Variants in TRHDE observed in about 807,000 individuals in gnomAD.
The protein encoded by TRHDE is thyrotropin releasing hormone degrading enzyme.
A neutral mutation model predicts 125.7 loss-of-function variants in TRHDE; 72 were observed. The ratio of observed to expected loss-of-function variants is 0.57; its 90% CI spans 0.47 to 0.70. The LOEUF (loss-of-function observed/expected upper bound fraction) is 0.70. Ranked by LOEUF, TRHDE falls within the 30% of genes least tolerant of loss-of-function variation. TRHDE has a pLI of 0.00. For missense variants in TRHDE, 1,110 were observed against 1,327.1 expected, an observed-to-expected ratio of 0.84 and a Z score of 2.54; for synonymous variants, 509 against 509.1, an observed-to-expected ratio of 1.00 and a Z score of 0.00.
rs764803993 is a variant in TRHDE at position 72,562,817 on chromosome 12, T to C, written c.1855-36T>C. 2.2e-6 allele frequency: 3 copies of C among 1,355,106 alleles called. No homozygotes were observed. In the South Asian group the frequency reaches 4.3e-5, roughly 19 times the overall value. 83.9% of individuals were successfully genotyped at this position (1,355,106 alleles called of 1,614,324 possible). ...ATGTTAATAATGTTGATAATTCATG[T>C]TTATAAAACTAATTTGTACATTTTT... On this transcript the variant is annotated intron_variant, in intron 8 of 18. Coordinates refer to ENST00000261180, the MANE Select transcript of TRHDE (RefSeq NM_013381.3).
chr12:72,562,214 G>A lies in TRHDE; in HGVS notation c.1838G>A (p.Trp613Ter). The A allele has an allele frequency of 6.4e-7, 1 of 1,551,738 alleles. No individual in the cohort carries two copies. The highest frequency in any genetic ancestry group is 8.8e-7 in the Non-Finnish European group (1 of 1,130,138). ...KYGNAARNDL[W>*]NTLSEALKRN... ...GGTAATGCAGCCAGAAATGATCTCT[G>A]GAATACATTATCGGAGGTAAAGTAT... The change falls in exon 8 of 19, where the codon TGG becomes TAG. Residue 613 changes from tryptophan to a stop codon, truncating the protein, a stop_gained. Coordinates refer to ENST00000261180, the MANE Select transcript of TRHDE (RefSeq NM_013381.3). LOFTEE classifies it high-confidence loss of function.
Position 72,366,624 on chromosome 12 carries a change from G to T in TRHDE, c.1189-11371G>T, listed in dbSNP as rs1026996407. ...TGGTTAAGAAACTTAAAGTCTTGTA[G>T]AAAGATAAGCCAAACACACTTTAAG... On this transcript the variant is annotated intron_variant, in intron 2 of 18. Coordinates refer to ENST00000261180, the MANE Select transcript of TRHDE (RefSeq NM_013381.3). 3.3e-5 allele frequency among the ~76,000 whole-genome samples: 5 copies of T among 152,084 alleles called. No individual in the cohort carries two copies. In the South Asian group the frequency reaches 1.0e-3, roughly 32 times the overall value.
At chr12:72,606,234 G>A (rs1014875888) in intron 12 of TRHDE, among the ~76,000 whole-genome samples, 2 of 152,178 alleles carry the variant, frequency 1.3e-5, no homozygotes, top group East Asian at 1.9e-4. Flanking sequence ...TGTTTGACTG[G>A]TTTCGGATTT....
intron 2 of TRHDE, among the ~76,000 whole-genome samples, chr12:72,151,180 G>T (rs1205076812): frequency 6.6e-6 from 1 of 152,138 alleles, no homozygotes; most frequent in Non-Finnish European, 1.5e-5. Context: ...TGTGTCTGTT[G>T]GGTGCATAAA....
chr12:72,513,362 C>T (rs1001548040), intron 6 of TRHDE, among the ~76,000 whole-genome samples: 3 of 152,010 alleles, frequency 2.0e-5, no homozygotes, highest in African/African-American at 7.2e-5. Flanking sequence ...TTCTCTTTGG[C>T]CCAAGTATTA....
intron 2 of TRHDE, among the ~76,000 whole-genome samples, chr12:72,245,439 G>GA (rs1162597958): frequency 6.6e-6 from 1 of 151,854 alleles, no homozygotes; most frequent in Non-Finnish European, 1.5e-5. Flanking sequence ...CCTTCAGAGG[G>GA]AAAAACAATA....
At chr12:72,505,256 T>C (rs1318842450) in intron 6 of TRHDE, among the ~76,000 whole-genome samples, 2 of 152,204 alleles carry the variant, frequency 1.3e-5, no homozygotes. Flanking sequence ...AAAACTACTC[T>C]ATTTAACAAA....
At chr12:72,233,812 C>A (rs138394069) in intron 2 of TRHDE, among the ~76,000 whole-genome samples, 1 of 152,114 alleles carries the variant, frequency 6.6e-6, no homozygotes, top group Non-Finnish European at 1.5e-5. Context: ...AAGTTATTCT[C>A]TTTTACAAGA....
chr12:72,520,314 C>T (rs1268462903), intron 6 of TRHDE, among the ~76,000 whole-genome samples: 1 of 152,222 alleles, frequency 6.6e-6, no homozygotes. Flanking sequence ...GTAAGACCCT[C>T]CGAGCCAGGT....
chr12:72,646,970 G>A (rs990938663), intron 15 of TRHDE, among the ~76,000 whole-genome samples: 4 of 151,836 alleles, frequency 2.6e-5, no homozygotes, highest in African/African-American at 9.7e-5. Flanking sequence ...TAAACCAAAT[G>A]GACTTAACAG....
At chr12:72,563,365 T>C (rs932861423) in intron 9 of TRHDE, among the ~76,000 whole-genome samples, 3 of 152,200 alleles carry the variant, frequency 2.0e-5, no homozygotes, top group Non-Finnish European at 4.4e-5. Context: ...AATGTGTTGC[T>C]GTGAATTAAA....
intron 12 of TRHDE, among the ~76,000 whole-genome samples, chr12:72,591,494 A>C (rs542990027): frequency 6.6e-6 from 1 of 152,232 alleles, no homozygotes; most frequent in Admixed American, 6.5e-5. Flanking sequence ...TACTTTAAAA[A>C]ACCCAAAAGA....
At chr12:72,293,487 C>T (rs938788607) in intron 2 of TRHDE, among the ~76,000 whole-genome samples, 12 of 152,262 alleles carry the variant, frequency 7.9e-5, no homozygotes, top group African/African-American at 2.9e-4. Context: ...TTTGTCAATG[C>T]TTGTTCTTTA....
chr12:72,092,089 G>A (rs1226452622), intron 1 of TRHDE, among the ~76,000 whole-genome samples: 1 of 152,206 alleles, frequency 6.6e-6, no homozygotes, highest in Admixed American at 6.5e-5. Flanking sequence ...GTCTCAACTA[G>A]CAGCAGTGGC....
chr12:72,634,539 T>G (rs1366464390), intron 15 of TRHDE, among the ~76,000 whole-genome samples: 1 of 152,088 alleles, frequency 6.6e-6, no homozygotes, highest in African/African-American at 2.4e-5. Flanking sequence ...TTAGGGTACA[T>G]GTGCACAATG....
intron 2 of TRHDE, among the ~76,000 whole-genome samples, chr12:72,324,803 A>C (rs776968337): frequency 6.6e-6 from 1 of 152,168 alleles, no homozygotes; most frequent in Non-Finnish European, 1.5e-5. Context: ...TTTCTGTATC[A>C]GAAGGAGGCC....
chr12:72,635,477 C>T (rs1315388949), intron 15 of TRHDE, among the ~76,000 whole-genome samples: 2 of 152,060 alleles, frequency 1.3e-5, no homozygotes, highest in East Asian at 1.9e-4. Flanking sequence ...ATGGTAGTTT[C>T]TTTTGCTGTG....
chr12:72,348,735 G>A (rs1309457613), intron 2 of TRHDE, among the ~76,000 whole-genome samples: 3 of 151,836 alleles, frequency 2.0e-5, no homozygotes, highest in Non-Finnish European at 4.4e-5. Flanking sequence ...CAATCTATAG[G>A]CATTCTTTTG....
chr12:72,093,632 C>A (rs1874843394), intron 1 of TRHDE, among the ~76,000 whole-genome samples: 1 of 152,046 alleles, frequency 6.6e-6, no homozygotes, highest in Non-Finnish European at 1.5e-5. Context: ...TTTTTCACTT[C>A]TGTCGTTGTG....
Sources: gnomAD v4.1 joint callset for allele counts (sites outside exome capture counted in the v4.1 genomes callset) on GRCh38, gnomAD v4.1.1 for gene constraint, MANE v1.5 for transcripts, NCBI Gene and HGNC (gene_info 2026-07-23, HGNC 2026-07-21) for gene names.